The following SMYD3 variants were observed in gnomAD, a reference collection of about 807,000 sequenced individuals.
SMYD3 encodes the protein histone-lysine N-methyltransferase SMYD3.
SMYD3 carries 36 observed loss-of-function variants against 57.7 expected under a neutral mutation model. The ratio of observed to expected loss-of-function variants is 0.62; its 90% CI spans 0.48 to 0.82. SMYD3 has a LOEUF of 0.82. Ranked by LOEUF, SMYD3 falls within the 40% of genes least tolerant of loss-of-function variation. The pLI is 0.00. For missense variants in SMYD3, 515 were observed against 538.8 expected (o/e 0.96, Z 0.44); for synonymous variants, 211 against 195.0 (o/e 1.08, Z -0.68).
intron 1 of SMYD3, among the ~76,000 whole-genome samples, chr1:246,441,330 G>A (rs560351184): frequency 1.3e-5 from 2 of 152,156 alleles, no homozygotes; most frequent in South Asian, 2.1e-4. Flanking sequence ...TTGTAACTAC[G>A]CTGCAAAATT....
At chr1:245,779,023 G>C (rs2046723295) in intron 10 of SMYD3, among the ~76,000 whole-genome samples, 1 of 151,948 alleles carries the variant, frequency 6.6e-6, no homozygotes, top group African/African-American at 2.4e-5. Context: ...AGCTGGGTGT[G>C]GTGGCATGCG....
intron 5 of SMYD3, among the ~76,000 whole-genome samples, chr1:246,081,374 G>GT: frequency 6.6e-6 from 1 of 152,054 alleles, no homozygotes; most frequent in East Asian, 1.9e-4. Context: ...ACTTTTTGTT[G>GT]TTGTTTGTTT....
In SMYD3 at chr1:246,000,981, A is replaced by C. The variant is rs1572870141; in HGVS notation, c.532-71044T>G. ...TTTTGTCCGAGTAAGGTTTTCCTTA[A>C]TTTCTAAAGTTCTGTGATGGTAAGA... On this transcript the variant is annotated intron_variant, in intron 5 of 11. Coordinates refer to ENST00000490107, the MANE Select transcript of SMYD3 (RefSeq NM_001167740.2). Among the ~76,000 whole-genome samples the C allele has an allele frequency of 1.3e-5, 2 of 152,182 alleles. 1 individual carries two copies. The highest frequency in any genetic ancestry group is 3.9e-4 in the East Asian group (2 of 5,194).
Position 246,143,562 on chromosome 1 carries a change from G to A in SMYD3, c.531+183639C>T, listed in dbSNP as rs571115324. On this transcript the variant is annotated intron_variant, in intron 5 of 11. Coordinates refer to ENST00000490107, the MANE Select transcript of SMYD3 (RefSeq NM_001167740.2). ...ATGTGGCTACGGTCCCAGCTACTTGGGAGGCTGAGGTGGGAGGATCACTTG... is the reference window on the plus strand; with the variant it reads ...ATGTGGCTACGGTCCCAGCTACTTGAGAGGCTGAGGTGGGAGGATCACTTG... Among the ~76,000 whole-genome samples the A allele has an allele frequency of 8.5e-5, 13 of 152,198 alleles. No individual in the cohort carries two copies. In the East Asian group the frequency reaches 2.5e-3, roughly 29 times the overall value.
At chr1:246,260,448 TTTG>T (rs890940190) in intron 5 of SMYD3, among the ~76,000 whole-genome samples, 6 of 151,228 alleles carry the variant, frequency 4.0e-5, no homozygotes, top group African/African-American at 1.5e-4. Flanking sequence ...GTTGTTGTTT[TTTG>T]TTTGTTTGTT....
intron 5 of SMYD3, among the ~76,000 whole-genome samples, chr1:246,000,886 T>C (rs573038783): frequency 3.7e-4 from 56 of 152,194 alleles, no homozygotes; most frequent in African/African-American, 6.3e-4. Flanking sequence ...TATGGAGTGT[T>C]TGGAAACAGA....
chr1:246,487,658 A>T (rs1029578610), intron 1 of SMYD3, among the ~76,000 whole-genome samples: 2 of 152,066 alleles, frequency 1.3e-5, no homozygotes, highest in Admixed American at 1.3e-4. Context: ...TACTGCAGAA[A>T]ACCATGCCCA....
chr1:245,874,949 G>A (rs2052410244), intron 8 of SMYD3, among the ~76,000 whole-genome samples: 1 of 152,198 alleles, frequency 6.6e-6, no homozygotes, highest in Non-Finnish European at 1.5e-5. Flanking sequence ...CCATGGTACA[G>A]CTCTTTTGTG....
chr1:245,944,605 A>G (rs577515488), intron 5 of SMYD3, among the ~76,000 whole-genome samples: 2 of 152,310 alleles, frequency 1.3e-5, no homozygotes, highest in African/African-American at 4.8e-5. Flanking sequence ...CCATTAAACT[A>G]CCATTGACAT....
intron 10 of SMYD3, among the ~76,000 whole-genome samples, chr1:245,857,223 C>A (rs994334007): frequency 5.9e-5 from 9 of 152,252 alleles, no homozygotes; most frequent in African/African-American, 2.2e-4. Context: ...GCTGGTGGCA[C>A]TGGCTGGCCA....
chr1:246,233,792 A>T (rs973425783), intron 5 of SMYD3, among the ~76,000 whole-genome samples: 5 of 126,024 alleles, frequency 4.0e-5, no homozygotes, highest in Non-Finnish European at 8.1e-5. Context: ...TTCAATTCAC[A>T]CTGTGATGAA....
chr1:245,932,108 A>C (rs1294849720), intron 5 of SMYD3, among the ~76,000 whole-genome samples: 1 of 152,218 alleles, frequency 6.6e-6, no homozygotes, highest in African/African-American at 2.4e-5. Flanking sequence ...AGTTTTAACA[A>C]ATATTTTAAA....
chr1:245,920,495 A>C (rs200738533), intron 7 of SMYD3, among the ~76,000 whole-genome samples: 2 of 152,086 alleles, frequency 1.3e-5, no homozygotes, highest in East Asian at 3.9e-4. Context: ...CTCTTGTTTC[A>C]CAAGTTGTGT....
intron 5 of SMYD3, among the ~76,000 whole-genome samples, chr1:246,273,161 T>TTTTTTTTTTTTTTG (rs2064258201): frequency 6.1e-5 from 8 of 131,132 alleles, no homozygotes; most frequent in East Asian, 2.3e-4. Context: ...TTCTTTTTTT[T>TTTTTTTTTTTTTTG]GGGGGGGGGA....
At chr1:245,776,998 C>T (rs1022359443) in intron 10 of SMYD3, among the ~76,000 whole-genome samples, 7 of 152,160 alleles carry the variant, frequency 4.6e-5, no homozygotes, top group Admixed American at 1.3e-4. Context: ...TACTACCTGG[C>T]TCTTCACAGA....
At chr1:246,220,075 A>G (rs561689351) in intron 5 of SMYD3, among the ~76,000 whole-genome samples, 25 of 152,294 alleles carry the variant, frequency 1.6e-4, no homozygotes, top group Admixed American at 1.6e-3. Context: ...TTCAAATATA[A>G]TGATATCTAA....
chr1:246,226,630 G>A (rs4654223), intron 5 of SMYD3, among the ~76,000 whole-genome samples: 31,585 of 152,070 alleles, frequency 0.21, 4,001 homozygotes, highest in East Asian at 0.58. Flanking sequence ...CATTTGATGC[G>A]TCCACTTTCC....
chr1:245,959,717 AT>A (rs2057950625), intron 5 of SMYD3, among the ~76,000 whole-genome samples: 1 of 152,234 alleles, frequency 6.6e-6, no homozygotes, highest in Non-Finnish European at 1.5e-5. Context: ...TAAATAAAGC[AT>A]AACATTCACA....
In SMYD3 at chr1:245,799,187, C is replaced by CCA. The variant is rs1191618128; in HGVS notation, c.1077-35040_1077-35039dup. ...AGGTTGAAGGGAGAGGGCTGGGCATCCAGCCTTCCCTGGTCCTCCTACACA... is the reference window on the plus strand; with the variant it reads ...AGGTTGAAGGGAGAGGGCTGGGCATCCACAGCCTTCCCTGGTCCTCCTACACA... On this transcript the variant is annotated intron_variant, in intron 10 of 11. Coordinates refer to ENST00000490107, the MANE Select transcript of SMYD3 (RefSeq NM_001167740.2). Among the ~76,000 whole-genome samples the CCA allele has an allele frequency of 2.6e-5, 4 of 152,320 alleles. No homozygotes were observed. The East Asian group carries it at 7.7e-4, about 29-fold the overall frequency.
Sources: allele counts gnomAD v4.1 joint callset (sites outside exome capture counted in the v4.1 genomes callset), GRCh38; gene constraint gnomAD v4.1.1; transcripts MANE v1.5; gene names NCBI Gene and HGNC (gene_info 2026-07-23, HGNC 2026-07-21).